LPCAT2: variants seen among roughly 807,000 people sequenced by gnomAD.
LPCAT2 encodes the protein 1-AGP acyltransferase 11.
In LPCAT2, 58 loss-of-function variants were observed where a neutral mutation model predicts 64.7. The observed-to-expected ratio is 0.90, with a 90% CI of 0.73 to 1.12. The LOEUF is 1.12. Ranked by LOEUF, LPCAT2 falls within the 50% of genes most tolerant of loss-of-function variation. The probability of loss-of-function intolerance (pLI) is 0.00; values close to 1 mark genes in which losing one functional copy is unlikely to be tolerated. For synonymous variants in LPCAT2, 252 were observed against 245.3 expected (o/e 1.03, Z -0.26); for missense variants, 579 against 669.8 (o/e 0.86, Z 1.50).
intron 3 of LPCAT2, among the ~76,000 whole-genome samples, chr16:55,529,059 G>C (rs1292026453): frequency 2.6e-5 from 4 of 152,296 alleles, no homozygotes; most frequent in Non-Finnish European, 2.9e-5. Context: ...CCTATGTGTA[G>C]CTCTTTGAAA....
rs563594565 is a variant in LPCAT2, at chr16:55,541,657, T to C, written c.852+4025T>C. ...TTAACTAGAGTTTTTGTTCTAATCC[T>C]GTTACTACCTACCTGTATGTACTTG... On this transcript the variant is annotated intron_variant, in intron 8 of 13. Transcript: ENST00000262134. The C allele has an allele frequency of 2.4e-4, 64 of 265,356 alleles. No individual in the cohort carries two copies. The East Asian group carries it at 6.1e-3, about 25-fold the overall frequency. The allele number at this position is 265,356 out of a possible 1,614,324, so 16.4% of individuals were successfully genotyped here. A position where few individuals can be genotyped will look rare whatever the true frequency, so the allele number is the denominator to read the frequency against.
At chr16:55,533,408 T>TTTTTTTG (rs1963280713) in intron 6 of LPCAT2, among the ~76,000 whole-genome samples, 1 of 51,362 alleles carries the variant, frequency 1.9e-5, no homozygotes, top group Non-Finnish European at 5.2e-5. Flanking sequence ...TTTTTCGGGT[T>TTTTTTTG]TTTTTTTTTT....
chr16:55,529,263 G>A lies in LPCAT2; in HGVS notation c.530-572G>A, dbSNP rs1018518525. ...CCTGATGTTGCCTCAGTGCTCTGGA[G>A]AAGTAATAGTAGTTCTTGCAGCTTT... On this transcript the variant is annotated intron_variant, in intron 3 of 13. Transcript: ENST00000262134. Among the ~76,000 whole-genome samples, 3 of 152,092 alleles carry A rather than the reference G, an allele frequency of 2.0e-5. No individual in the cohort carries two copies. The East Asian group carries it at 5.8e-4, about 29-fold the overall frequency.
At chr16:55,533,612 C>T (rs1489381141) in intron 6 of LPCAT2, among the ~76,000 whole-genome samples, 1 of 151,850 alleles carries the variant, frequency 6.6e-6, no homozygotes, top group East Asian at 1.9e-4. Context: ...AGGGTTTCAC[C>T]ATGTTGACCA....
chr16:55,543,862 A>C (rs1338162037), intron 8 of LPCAT2, among the ~76,000 whole-genome samples: 2 of 152,222 alleles, frequency 1.3e-5, no homozygotes, highest in Non-Finnish European at 2.9e-5. Context: ...CCAGTCCAAG[A>C]ACACTTTCTG....
At chr16:55,541,959 T>C (rs1302900990) in intron 8 of LPCAT2, 1 of 1,235,576 alleles carries the variant, frequency 8.1e-7, no homozygotes, top group South Asian at 1.3e-5. Context: ...ACTGCACATT[T>C]GTTAAGATTG....
intron 7 of LPCAT2, among the ~76,000 whole-genome samples, chr16:55,535,128 C>T (rs1350751688): frequency 6.6e-6 from 1 of 152,104 alleles, no homozygotes; most frequent in Non-Finnish European, 1.5e-5. Flanking sequence ...TAAGTCTGAG[C>T]CTGTTTAAAT....
chr16:55,554,016 T>C (rs1963547618), intron 11 of LPCAT2, among the ~76,000 whole-genome samples: 1 of 152,214 alleles, frequency 6.6e-6, no homozygotes, highest in South Asian at 2.1e-4. Context: ...GTCTCAACAA[T>C]GTTCTTAAAA....
At chr16:55,554,694 G>C (rs1487894482) in intron 11 of LPCAT2, among the ~76,000 whole-genome samples, 1 of 152,226 alleles carries the variant, frequency 6.6e-6, no homozygotes, top group Non-Finnish European at 1.5e-5. Context: ...TTTGATGCAA[G>C]AGACCTAGCT....
At chr16:55,537,889 C>G (rs544963113) in intron 8 of LPCAT2, among the ~76,000 whole-genome samples, 1 of 152,318 alleles carries the variant, frequency 6.6e-6, no homozygotes, top group African/African-American at 2.4e-5. Flanking sequence ...TCCTTTAATG[C>G]TGACCTCTGC....
At chr16:55,542,078 T>A in intron 8 of LPCAT2, 1 of 764,600 alleles carries the variant, frequency 1.3e-6, no homozygotes, top group Non-Finnish European at 1.8e-6. Context: ...ATGTGCTTGA[T>A]GTAGTCAAGA....
chr16:55,560,132 G>A (rs1963620022), intron 11 of LPCAT2, among the ~76,000 whole-genome samples: 1 of 152,064 alleles, frequency 6.6e-6, no homozygotes, highest in Admixed American at 6.6e-5. Flanking sequence ...AAAGAACAAG[G>A]CTTTGTAAAA....
intron 4 of LPCAT2, among the ~76,000 whole-genome samples, chr16:55,531,039 C>T (rs1406987360): frequency 6.6e-6 from 1 of 152,034 alleles, no homozygotes; most frequent in African/African-American, 2.4e-5. Context: ...TGAATTTTCA[C>T]TGAATAAAAT....
chr16:55,564,945 G>A (rs920690045), intron 11 of LPCAT2, among the ~76,000 whole-genome samples: 7 of 151,954 alleles, frequency 4.6e-5, no homozygotes, highest in Non-Finnish European at 8.8e-5. Flanking sequence ...TTATATATCT[G>A]ATAAGGGATT....
At chr16:55,578,991 A>G (rs1963859378) in intron 12 of LPCAT2, 118 bp from the exon 13 acceptor site, 2 of 878,204 alleles carry the variant, frequency 2.3e-6, no homozygotes, top group South Asian at 1.6e-5. Context: ...TTCTTAATAT[A>G]CATATTTCTA....
At chr16:55,537,391 CA>C (rs527990765) in intron 7 of LPCAT2, among the ~76,000 whole-genome samples, 186 bp from the exon 8 acceptor site, 32 of 144,154 alleles carry the variant, frequency 2.2e-4, no homozygotes, top group African/African-American at 7.9e-4. Flanking sequence ...ACCCTGTCCC[CA>C]AAAAAAAAAA....
intron 8 of LPCAT2, among the ~76,000 whole-genome samples, chr16:55,544,140 T>A (rs1157130830): frequency 6.6e-6 from 1 of 152,186 alleles, no homozygotes; most frequent in Non-Finnish European, 1.5e-5. Context: ...AACTTGGACC[T>A]GGTCATGTCA....
In LPCAT2 at chr16:55,585,666, C is replaced by T. The variant is rs1202621179; in HGVS notation, c.*2568C>T. The T allele has an allele frequency of 6.6e-6, 1 of 152,148 alleles. No individual in the cohort carries two copies. The highest frequency in any genetic ancestry group is 1.5e-5 in the Non-Finnish European group (1 of 68,034). 9.4% of individuals were successfully genotyped at this position (152,148 alleles called of 1,614,324 possible). ...TAATGACATACTGACTGCTTACAGA[C>T]CAAGTTGCTTGCATTTTGTATGTTT... On this transcript the variant is annotated 3_prime_UTR_variant, in exon 14 of 14. Coordinates refer to ENST00000262134, the MANE Select transcript of LPCAT2 (RefSeq NM_017839.5).
intron 1 of LPCAT2, among the ~76,000 whole-genome samples, chr16:55,514,123 C>A (rs1962972978): frequency 6.6e-6 from 1 of 152,056 alleles, no homozygotes; most frequent in South Asian, 2.1e-4. Flanking sequence ...AAACAGTAGG[C>A]TAGCCAAAAA....
Sources: allele counts gnomAD v4.1 joint callset (sites outside exome capture counted in the v4.1 genomes callset), GRCh38; gene constraint gnomAD v4.1.1; transcripts MANE v1.5; gene names NCBI Gene and HGNC (gene_info 2026-07-23, HGNC 2026-07-21).